SAXO4: variants seen among roughly 807,000 people sequenced by gnomAD.
SAXO4 encodes stabilizer of axonemal microtubules 4.
At chr11:61,482,014 G>A in the SAXO4 span, 1 of 859,348 alleles carries the variant, frequency 1.2e-6, no homozygotes, top group Non-Finnish European at 1.9e-6. Context: ...CTGTCACACT[G>A]CAGAGCAACT....
chr11:61,482,532 C>T, the SAXO4 span: 2 of 1,565,306 alleles, frequency 1.3e-6, no homozygotes, highest in Non-Finnish European at 1.8e-6. Context: ...GGCTGGGGGT[C>T]CTGGGTGACT....
chr11:61,487,367 T>A, the SAXO4 span: 1 of 801,642 alleles, frequency 1.2e-6, no homozygotes, highest in Non-Finnish European at 2.1e-6. Flanking sequence ...CCCAGAAGCA[T>A]ACCCTAAGCC....
At chr11:61,486,020 C>T in the SAXO4 span, 8 of 792,132 alleles carry the variant, frequency 1.0e-5, no homozygotes, top group South Asian at 1.1e-4. Flanking sequence ...TGTTCAAACA[C>T]AAGACGAAAG....
At chr11:61,490,455 C>A in the SAXO4 span, 1 of 1,536,986 alleles carries the variant, frequency 6.5e-7, no homozygotes, top group South Asian at 1.1e-5. Flanking sequence ...AAGGTCCATG[C>A]CCTGCCTGCC....
the SAXO4 span, chr11:61,481,808 T>A: frequency 9.9e-6 from 15 of 1,512,480 alleles, no homozygotes; most frequent in Non-Finnish European, 1.1e-5. Context: ...CCCCACAGCA[T>A]CATGATGGGG....
At chr11:61,486,777 C>G in the SAXO4 span, among the ~76,000 whole-genome samples, 2 of 152,028 alleles carry the variant, frequency 1.3e-5, no homozygotes, top group Non-Finnish European at 2.9e-5. Flanking sequence ...TTCCTGGGGG[C>G]TGGAAGATGA....
the SAXO4 span, chr11:61,481,878 C>A: frequency 6.4e-7 from 1 of 1,573,128 alleles, no homozygotes; most frequent in Non-Finnish European, 8.6e-7. Flanking sequence ...GCTACACGGA[C>A]CCCCTGAAAT....
chr11:61,488,460 A>G, the SAXO4 span, among the ~76,000 whole-genome samples: 7 of 151,454 alleles, frequency 4.6e-5, no homozygotes, highest in African/African-American at 1.2e-4. Flanking sequence ...GCCTGCCACC[A>G]CGCCCGGCTA....
the SAXO4 span, among the ~76,000 whole-genome samples, chr11:61,488,574 G>A: frequency 6.6e-6 from 1 of 152,162 alleles, no homozygotes; most frequent in African/African-American, 2.4e-5. Flanking sequence ...ATAATTCTTA[G>A]GACAAACTCC....
chr11:61,482,885 C>T, the SAXO4 span: 1 of 1,442,608 alleles, frequency 6.9e-7, no homozygotes, highest in African/African-American at 1.4e-5. Context: ...AACAGTTGGT[C>T]AAGGTGGAGG....
At chr11:61,481,514 A>G in the SAXO4 span, among the ~76,000 whole-genome samples, 1 of 152,166 alleles carries the variant, frequency 6.6e-6, no homozygotes, top group South Asian at 2.1e-4. Flanking sequence ...ATCCTTTATC[A>G]CTTGGAACCT....
the SAXO4 span, chr11:61,481,828 C>T: frequency 6.5e-6 from 10 of 1,529,190 alleles, no homozygotes; most frequent in Admixed American, 5.2e-5. Flanking sequence ...GAAACTCCCC[C>T]TGGGGGTCGT....
the SAXO4 span, chr11:61,482,444 C>T: frequency 6.2e-7 from 1 of 1,604,546 alleles, no homozygotes; most frequent in South Asian, 1.1e-5. Flanking sequence ...GTCTGTATGG[C>T]CCCTTCCCAG....
At chr11:61,485,510 A>G in the SAXO4 span, 1 of 995,054 alleles carries the variant, frequency 1.0e-6, no homozygotes, top group South Asian at 1.6e-5. Context: ...CACCAGTGGA[A>G]GAAAGAAGGA....
At chr11:61,481,734 T>C in the SAXO4 span, 2 of 804,978 alleles carry the variant, frequency 2.5e-6, no homozygotes, top group South Asian at 2.2e-5. Context: ...CCTGTGGGCT[T>C]CCGAGCCAGG....
the SAXO4 span, chr11:61,486,838 G>A: frequency 1.0e-6 from 1 of 977,338 alleles, no homozygotes; most frequent in Non-Finnish European, 1.6e-6. Context: ...AGGGTCGCTG[G>A]GGCTGTGGAC....
the SAXO4 span, chr11:61,485,527 G>A: frequency 2.3e-6 from 2 of 882,812 alleles, no homozygotes; most frequent in South Asian, 1.7e-5. Context: ...AGGATGCACA[G>A]GTGGCTGGAG....
the SAXO4 span, chr11:61,485,226 C>T: frequency 7.7e-6 from 7 of 913,464 alleles, no homozygotes; most frequent in Non-Finnish European, 1.2e-5. Flanking sequence ...CTGTACTGGC[C>T]CACACAGGCT....
the SAXO4 span, chr11:61,489,766 C>T: frequency 1.2e-6 from 2 of 1,613,884 alleles, no homozygotes; most frequent in Non-Finnish European, 1.7e-6. Flanking sequence ...AGCCAAGGAC[C>T]CCTCCTCTCC....
Sources: allele counts gnomAD v4.1 joint callset (sites outside exome capture counted in the v4.1 genomes callset), GRCh38; gene constraint gnomAD v4.1.1; transcripts MANE v1.5; gene names NCBI Gene and HGNC (gene_info 2026-07-23, HGNC 2026-07-21).